The following ZMIZ1 variants were observed in gnomAD, a reference collection of about 807,000 sequenced individuals.
The protein encoded by ZMIZ1 is zinc finger MIZ-type containing 1, also known as zinc finger MIZ domain-containing protein 1.
ZMIZ1 carries 17 observed loss-of-function variants against 113.9 expected under a neutral mutation model. The observed-to-expected ratio is 0.15, with a 90% CI of 0.10 to 0.22. ZMIZ1 has a LOEUF of 0.22. Among genes scored for constraint, ZMIZ1 ranks in the 10% least tolerant of loss-of-function variants. The pLI is 1.00. For synonymous variants in ZMIZ1, 607 were observed against 603.1 expected, an observed-to-expected ratio of 1.01 and a Z score of -0.09; for missense variants, 1,059 against 1,477.8, an observed-to-expected ratio of 0.72 and a Z score of 4.65.
chr10:79,166,260 G>A (rs1379500684), intron 4 of ZMIZ1, among the ~76,000 whole-genome samples: 2 of 152,208 alleles, frequency 1.3e-5, no homozygotes, highest in Non-Finnish European at 2.9e-5. Flanking sequence ...GCTGCACCAT[G>A]CCACTGTGTC....
chr10:79,255,554 C>T (rs1234053531), intron 7 of ZMIZ1, among the ~76,000 whole-genome samples: 2 of 152,164 alleles, frequency 1.3e-5, no homozygotes, highest in African/African-American at 4.8e-5. Flanking sequence ...TCACCAGCGT[C>T]CCTGCCCGCT....
intron 3 of ZMIZ1, among the ~76,000 whole-genome samples, chr10:79,155,057 C>T (rs1166115252): frequency 6.6e-6 from 1 of 152,228 alleles, no homozygotes; most frequent in Middle Eastern, 3.2e-3. Context: ...GACCCAAGTT[C>T]CTAGCCCAGT....
chr10:79,086,492 T>C (rs576180705), intron 1 of ZMIZ1, among the ~76,000 whole-genome samples: 79 of 152,354 alleles, frequency 5.2e-4, no homozygotes, highest in Admixed American at 1.1e-3. Context: ...GTTCAGCATA[T>C]AGAATCCTTT....
chr10:79,311,492 C>T (rs540988020), intron 24 of ZMIZ1, among the ~76,000 whole-genome samples: 3 of 152,238 alleles, frequency 2.0e-5, no homozygotes, highest in East Asian at 1.9e-4. Flanking sequence ...GGGTCCCTGC[C>T]CTCCCCCGAT....
chr10:79,104,831 G>A lies in ZMIZ1; in HGVS notation c.-336-14084G>A, dbSNP rs1286152593. 4.6e-5 allele frequency among the ~76,000 whole-genome samples: 7 copies of A among 152,186 alleles called. No homozygotes were observed. In the East Asian group the frequency reaches 1.2e-3, roughly 25 times the overall value. ...AGGTGCACTGGGGTTTTAACCAGAG[G>A]CAGTAATGAGCTTTCTGAAATCATG... On this transcript the variant is annotated intron_variant, in intron 1 of 24. Coordinates refer to ENST00000334512, the MANE Select transcript of ZMIZ1 (RefSeq NM_020338.4).
At chr10:79,170,852 C>G (rs1846566021) in intron 4 of ZMIZ1, among the ~76,000 whole-genome samples, 1 of 152,128 alleles carries the variant, frequency 6.6e-6, no homozygotes, top group Non-Finnish European at 1.5e-5. Flanking sequence ...ACCCATGCGG[C>G]CCACCATGCC....
chr10:79,296,939 A>G lies in ZMIZ1; in HGVS notation c.1413+286A>G, dbSNP rs1455844669. The G allele has an allele frequency of 6.1e-6, 2 of 325,360 alleles. No individual in the cohort carries two copies. The highest frequency in any genetic ancestry group is 1.0e-4 in the East Asian group (2 of 19,074). 20.2% of individuals were successfully genotyped at this position (325,360 alleles called of 1,614,324 possible). A position where few individuals can be genotyped will look rare whatever the true frequency, so the allele number is the denominator to read the frequency against. On this transcript the variant is annotated intron_variant, in intron 13 of 24. Coordinates refer to ENST00000334512, the MANE Select transcript of ZMIZ1 (RefSeq NM_020338.4). This position sits in a 1 kb window ranked among gnomAD's most constrained non-coding sequence, Gnocchi z 4.1. ...AATAAAGGAAATATATTTTATTAAA[A>G]AAACACACATCCCCTGTATATATTA...
intron 7 of ZMIZ1, among the ~76,000 whole-genome samples, chr10:79,228,899 A>G (rs951013373): frequency 1.3e-5 from 2 of 152,216 alleles, no homozygotes; most frequent in African/African-American, 4.8e-5. Context: ...CCCCGGCCTC[A>G]TCTCCCAGCC....
At chr10:79,184,432 T>C (rs893710496) in intron 4 of ZMIZ1, among the ~76,000 whole-genome samples, 1 of 152,138 alleles carries the variant, frequency 6.6e-6, no homozygotes, top group African/African-American at 2.4e-5. Context: ...TTCCCTCTAT[T>C]GAGGGATAAT....
intron 4 of ZMIZ1, among the ~76,000 whole-genome samples, chr10:79,166,464 C>T (rs1846352644): frequency 6.6e-6 from 1 of 152,246 alleles, no homozygotes; most frequent in Admixed American, 6.5e-5. Flanking sequence ...GTGCCATCCC[C>T]TCCCATGGCC....
At chr10:79,100,005 C>T (rs1843304982) in intron 1 of ZMIZ1, among the ~76,000 whole-genome samples, 1 of 152,058 alleles carries the variant, frequency 6.6e-6, no homozygotes, top group Non-Finnish European at 1.5e-5. Flanking sequence ...CTCATGCCCA[C>T]CTGACCTGGG....
At chr10:79,212,928 T>C (rs1216428447) in intron 6 of ZMIZ1, among the ~76,000 whole-genome samples, 1 of 152,156 alleles carries the variant, frequency 6.6e-6, no homozygotes, top group Non-Finnish European at 1.5e-5. Context: ...GTCTGGACTT[T>C]AGTTTCCCTG....
intron 4 of ZMIZ1, among the ~76,000 whole-genome samples, chr10:79,195,597 C>T (rs16937026): frequency 0.043 from 6,623 of 152,294 alleles, 264 homozygotes; most frequent in East Asian, 0.18. Context: ...AGCTGAGTGG[C>T]GCTCTTGTGG....
At chr10:79,200,807 A>T (rs1054256185) in intron 4 of ZMIZ1, among the ~76,000 whole-genome samples, 6 of 133,802 alleles carry the variant, frequency 4.5e-5, no homozygotes, top group African/African-American at 1.7e-4. Flanking sequence ...GGGAGGGCAG[A>T]TGCCACCTGA....
intron 4 of ZMIZ1, among the ~76,000 whole-genome samples, chr10:79,177,874 T>C (rs1846938071): frequency 6.6e-6 from 1 of 152,244 alleles, no homozygotes; most frequent in African/African-American, 2.4e-5. Flanking sequence ...CCAGAGGTCA[T>C]CCTGGTCATC....
intron 4 of ZMIZ1, among the ~76,000 whole-genome samples, chr10:79,162,376 G>T (rs1054359869): frequency 2.6e-5 from 4 of 152,232 alleles, no homozygotes; most frequent in Non-Finnish European, 4.4e-5. Context: ...GGTGGGGGCT[G>T]CAGGTCTGCC....
chr10:79,079,692 G>T (rs573400217), intron 1 of ZMIZ1, among the ~76,000 whole-genome samples: 2 of 152,334 alleles, frequency 1.3e-5, no homozygotes, highest in African/African-American at 4.8e-5. Flanking sequence ...GCCTTCTGCA[G>T]CAGCTGACTT....
intron 3 of ZMIZ1, among the ~76,000 whole-genome samples, chr10:79,146,133 G>A (rs957256584): frequency 6.6e-6 from 1 of 152,120 alleles, no homozygotes; most frequent in Non-Finnish European, 1.5e-5. Context: ...AAGGGTGGGA[G>A]CTGGCTGCAG....
intron 7 of ZMIZ1, among the ~76,000 whole-genome samples, chr10:79,234,114 G>A (rs1849499562): frequency 6.6e-6 from 1 of 152,206 alleles, no homozygotes; most frequent in Admixed American, 6.5e-5. Context: ...GGGAGCGAAA[G>A]AACGTTTTAG....
Sources: allele counts gnomAD v4.1 joint callset (sites outside exome capture counted in the v4.1 genomes callset), GRCh38; gene constraint gnomAD v4.1.1; non-coding constraint Gnocchi (gnomAD v3.1); transcripts MANE v1.5; gene names NCBI Gene and HGNC (gene_info 2026-07-23, HGNC 2026-07-21).